Variants in SARM1 observed in about 807,000 individuals in gnomAD.
SARM1 encodes the protein sterile alpha and TIR motif containing 1.
In SARM1, 60 loss-of-function variants were observed where a neutral mutation model predicts 65.1. The observed-to-expected ratio is 0.92, with a 90% confidence interval of 0.75 to 1.14. The LOEUF is 1.14. Among genes scored for constraint, SARM1 ranks in the 50% most tolerant of loss-of-function variants. The pLI, the probability that SARM1 is intolerant of heterozygous loss-of-function variation, is 0.00. For synonymous variants in SARM1, 417 were observed against 465.4 expected (o/e 0.90, Z 1.34); for missense variants, 913 against 1,015.7 (o/e 0.90, Z 1.37).
intron 1 of SARM1, among the ~76,000 whole-genome samples, chr17:28,376,297 G>A (rs1270183140): frequency 6.6e-6 from 1 of 150,906 alleles, no homozygotes; most frequent in Non-Finnish European, 1.5e-5. Flanking sequence ...GGTGGCTCAC[G>A]CCTGTAATCT....
intron 7 of SARM1, among the ~76,000 whole-genome samples, chr17:28,392,698 A>C (rs186597750): frequency 1.3e-5 from 2 of 151,958 alleles, no homozygotes; most frequent in Non-Finnish European, 2.9e-5. Flanking sequence ...TTTTCTCTCC[A>C]TCTGTAAAAT....
chr17:28,400,819 T>C lies in SARM1; in HGVS notation c.*4533T>C, dbSNP rs2068188157. The C allele has an allele frequency of 6.7e-7, 1 of 1,503,182 alleles. No individual in the cohort carries two copies. Among genetic ancestry groups the C allele is most frequent in the Non-Finnish European group, 9.0e-7 (1 of 1,105,968 alleles). 93.1% of individuals were successfully genotyped at this position (1,503,182 alleles called of 1,614,324 possible). Reference sequence around the variant, plus strand: ...GAGTCCGAAAGGGCCATATTCCAACTCTGGCACCACCACCTCACAGCTGTG... The same window carrying C: ...GAGTCCGAAAGGGCCATATTCCAACCCTGGCACCACCACCTCACAGCTGTG... On this transcript the variant is annotated 3_prime_UTR_variant, in exon 9 of 9. Coordinates refer to ENST00000585482, the MANE Select transcript of SARM1 (RefSeq NM_015077.4).
chr17:28,391,391 A>G (rs782423175), intron 7 of SARM1, among the ~76,000 whole-genome samples: 1 of 152,202 alleles, frequency 6.6e-6, no homozygotes, highest in Non-Finnish European at 1.5e-5. Context: ...GAGCCCATGA[A>G]GGAGAAGATG....
chr17:28,384,747 C>A lies in SARM1; in HGVS notation c.1303-92C>A. The A allele has an allele frequency of 2.3e-6, 3 of 1,316,936 alleles. No individual in the cohort carries two copies. Among genetic ancestry groups the A allele is most frequent in the Non-Finnish European group, 2.1e-6 (2 of 936,810 alleles). 81.6% of individuals were successfully genotyped at this position (1,316,936 alleles called of 1,614,324 possible). On this transcript the variant is annotated intron_variant, in intron 3 of 8. Coordinates refer to ENST00000585482, the MANE Select transcript of SARM1 (RefSeq NM_015077.4). The surrounding 1 kb of genome is among the most constrained non-coding windows in gnomAD (Gnocchi z 4.4). ...TGATCTAGGTCCCATCCGCCTCCTC[C>A]ACGCCATCTCCAGTTCCTTCCCTTG...
intron 6 of SARM1, 23 bp downstream of exon 6, chr17:28,388,299 C>T (rs1555586368): frequency 2.5e-6 from 4 of 1,580,442 alleles, no homozygotes; most frequent in African/African-American, 1.3e-5. Flanking sequence ...GGGCGGGCAG[C>T]GACGGGGCGT....
chr17:28,399,652 C>T lies in SARM1; in HGVS notation c.*3366C>T. ...CTTGCCCTCTGTCTTCTGGTCCAGG[C>T]AGATCAGGGGCTCTGGGGAAACTGC... is the stretch of plus-strand genomic sequence containing the variant. On this transcript the variant is annotated 3_prime_UTR_variant, in exon 9 of 9. Coordinates refer to ENST00000585482, the MANE Select transcript of SARM1 (RefSeq NM_015077.4). 1 of 1,613,982 alleles carries T rather than the reference C, an allele frequency of 6.2e-7. No individual in the cohort carries two copies. Among genetic ancestry groups the T allele is most frequent in the South Asian group, 1.1e-5 (1 of 91,074 alleles).
chr17:28,386,293 G>A (rs1555586016), intron 5 of SARM1, among the ~76,000 whole-genome samples: 1 of 152,110 alleles, frequency 6.6e-6, no homozygotes. Context: ...TAGGCAGCAG[G>A]AGTGAGACCC....
Position 28,399,971 on chromosome 17 carries a change from G to C in SARM1, c.*3685G>C. Reference sequence around the variant, plus strand: ...GGCAGTGACATAATCATAGCTCACTGTACCCTTGAACTCCTGGGCTCAAGT... The same window carrying C: ...GGCAGTGACATAATCATAGCTCACTCTACCCTTGAACTCCTGGGCTCAAGT... On this transcript the variant is annotated 3_prime_UTR_variant, in exon 9 of 9. Transcript: ENST00000585482. 2.1e-6 allele frequency: 1 copy of C among 475,484 alleles called. No individual in the cohort carries two copies. 29.5% of individuals were successfully genotyped at this position (475,484 alleles called of 1,614,324 possible). A position where few individuals can be genotyped will look rare whatever the true frequency, so the allele number is the denominator to read the frequency against.
Position 28,402,735 on chromosome 17 carries a change from T to C in SARM1, c.*6449T>C, listed in dbSNP as rs1164447465. The C allele has an allele frequency of 1.2e-5, 2 of 165,472 alleles. No individual in the cohort carries two copies. Among genetic ancestry groups the C allele is most frequent in the African/African-American group, 4.8e-5 (2 of 42,042 alleles). 10.3% of individuals were successfully genotyped at this position (165,472 alleles called of 1,614,324 possible). A position where few individuals can be genotyped will look rare whatever the true frequency, so the allele number is the denominator to read the frequency against. ...CTTACCCTCTCTGATCCTGACTCCC[T>C]GTATGAGGAAGATAATAAGGCCTTC... On this transcript the variant is annotated 3_prime_UTR_variant, in exon 9 of 9. Transcript: ENST00000585482.
At position 28,396,167 on chromosome 17, in the gene SARM1, G is replaced by A. The variant is rs1460394367; in HGVS notation, c.2056G>A (p.Glu686Lys). 8 of 1,613,784 alleles carry A rather than the reference G, an allele frequency of 5.0e-6. No homozygotes were observed. Among genetic ancestry groups the A allele is most frequent in the Non-Finnish European group, 3.4e-6 (4 of 1,179,880 alleles). Residue 686 changes from glutamate to lysine, a missense_variant, in exon 9 of 9, where the codon GAA (glutamate) becomes AAA (lysine). Physicochemically the swap from Glu to Lys is moderately conservative, Grantham distance 56. Coordinates refer to ENST00000585482, the MANE Select transcript of SARM1 (RefSeq NM_015077.4). ...LTFNGIKWSH[E>K]YQEATIEKII... Reference sequence around the variant, plus strand: ...CTCCTGTGCCCACAGGTGGTCCCACGAATACCAGGAGGCCACCATTGAGAA... The same window carrying A: ...CTCCTGTGCCCACAGGTGGTCCCACAAATACCAGGAGGCCACCATTGAGAA...
rs991971877 is a variant in SARM1 at position 28,402,490 on chromosome 17, G to T, written c.*6204G>T. 5.3e-6 allele frequency: 3 copies of T among 562,652 alleles called. No individual in the cohort carries two copies. Among genetic ancestry groups the T allele is most frequent in the Non-Finnish European group, 9.6e-6 (3 of 314,024 alleles). 34.9% of individuals were successfully genotyped at this position (562,652 alleles called of 1,614,324 possible). ...CAGTAGTCAAGGAGGAATGGAGACT[G>T]CCCTTGTCTGGGCTTGGCCACCTGC... On this transcript the variant is annotated 3_prime_UTR_variant, in exon 9 of 9. Transcript: ENST00000585482.
At chr17:28,379,068 A>G (rs575423250) in intron 1 of SARM1, among the ~76,000 whole-genome samples, 109 of 152,132 alleles carry the variant, frequency 7.2e-4, no homozygotes, top group African/African-American at 2.5e-3. Context: ...CTATATGACA[A>G]TCTCTTTGGG....
At position 28,397,383 on chromosome 17, in the gene SARM1, T is replaced by C. The variant is rs542078425; in HGVS notation, c.*1097T>C. The C allele has an allele frequency of 7.9e-5, 12 of 152,262 alleles. No individual in the cohort carries two copies. The East Asian group carries it at 1.7e-3, about 22-fold the overall frequency. The allele number at this position is 152,262 out of a possible 1,614,324, so 9.4% of individuals were successfully genotyped here. On this transcript the variant is annotated 3_prime_UTR_variant, in exon 9 of 9. Transcript: ENST00000585482. ...GATGCTGGTGGTTAAGGGTAGCAAA[T>C]CTCTAAAGCACGAAGCCCTCACAAA...
chr17:28,403,670 T>C lies in SARM1; in HGVS notation c.*7384T>C, dbSNP rs782461862. On this transcript the variant is annotated 3_prime_UTR_variant, in exon 9 of 9. Transcript: ENST00000585482. ...TCTGTGATTATTGTATTGTTGACTA[T>C]ACACAGCACATTTTAGGGCTCTATC... is the stretch of plus-strand genomic sequence containing the variant. The C allele has an allele frequency of 6.6e-6, 1 of 152,022 alleles. No homozygotes were observed. The highest frequency in any genetic ancestry group is 1.5e-5 in the Non-Finnish European group (1 of 67,912). 9.4% of individuals were successfully genotyped at this position (152,022 alleles called of 1,614,324 possible).
chr17:28,402,317 A>G lies in SARM1; in HGVS notation c.*6031A>G. The G allele has an allele frequency of 6.2e-7, 1 of 1,613,008 alleles. No homozygotes were observed. Among genetic ancestry groups the G allele is most frequent in the East Asian group, 2.2e-5 (1 of 44,874 alleles). On this transcript the variant is annotated 3_prime_UTR_variant, in exon 9 of 9. Transcript: ENST00000585482. ...TGACTAATGACAGGAAAAGCAACCCATATCCTGTGGAGAAACAAACACTCA... is the reference window on the plus strand; with the variant it reads ...TGACTAATGACAGGAAAAGCAACCCGTATCCTGTGGAGAAACAAACACTCA...
In SARM1 at chr17:28,384,513, G is replaced by A. The variant is rs147156050; in HGVS notation, c.1246G>A (p.Glu416Lys). 137 of 1,613,348 alleles carry A rather than the reference G, an allele frequency of 8.5e-5. No individual in the cohort carries two copies. In the African/African-American group the frequency reaches 1.7e-3, roughly 20 times the overall value. ...LPSVPSWKEA[E>K]VQTWLQQIGF... ...CTCCGTGCCCAGCTGGAAGGAGGCC[G>A]AGGTTCAGACGTGGCTGCAGCAGAT... Residue 416 changes from glutamate to lysine, a missense_variant, in exon 3 of 9, where the codon GAG (glutamate) becomes AAG (lysine). Physicochemically the swap from Glu to Lys is moderately conservative, Grantham distance 56. Transcript: ENST00000585482. This position sits in a 1 kb window ranked among gnomAD's most constrained non-coding sequence, Gnocchi z 4.4.
At chr17:28,394,081 A>C (rs2142439385) in intron 7 of SARM1, among the ~76,000 whole-genome samples, 1 of 152,364 alleles carries the variant, frequency 6.6e-6, no homozygotes, top group East Asian at 1.9e-4. Context: ...GACTGTGGCC[A>C]ACCACATAGG....
chr17:28,388,318 G>C (rs782740249), intron 6 of SARM1, 32 bp from the exon 7 acceptor site: 1 of 1,609,724 alleles, frequency 6.2e-7, no homozygotes, highest in Non-Finnish European at 8.5e-7. Flanking sequence ...GTGGGGACAA[G>C]GCTGTGGCAC....
In SARM1 at chr17:28,399,846, A is replaced by C. The variant is rs1162980180; in HGVS notation, c.*3560A>C. 19 of 851,534 alleles carry C rather than the reference A, an allele frequency of 2.2e-5. No individual in the cohort carries two copies. The highest frequency in any genetic ancestry group is 1.2e-4 in the Admixed American group (6 of 50,946). The allele number at this position is 851,534 out of a possible 1,614,324, so 52.7% of individuals were successfully genotyped here. Reference sequence around the variant, plus strand: ...CTGAACCTCCTCCTTCCCCAAGCTGAGAAGCTGAGAGCTGGAGGACAATAT... The same window carrying C: ...CTGAACCTCCTCCTTCCCCAAGCTGCGAAGCTGAGAGCTGGAGGACAATAT... On this transcript the variant is annotated 3_prime_UTR_variant, in exon 9 of 9. Transcript: ENST00000585482.
Sources: allele counts gnomAD v4.1 joint callset (sites outside exome capture counted in the v4.1 genomes callset), GRCh38; gene constraint gnomAD v4.1.1; non-coding constraint Gnocchi (gnomAD v3.1); transcripts MANE v1.5; gene names NCBI Gene and HGNC (gene_info 2026-07-23, HGNC 2026-07-21).